Variants in HIRA observed in about 807,000 individuals in gnomAD.
The protein encoded by HIRA is protein HIRA.
A neutral mutation model predicts 126.6 loss-of-function variants in HIRA; 13 were observed. That is an observed-to-expected ratio of 0.10 (90% CI 0.07 to 0.16). The LOEUF is 0.16. Ranked by LOEUF, HIRA falls within the 10% of genes least tolerant of loss-of-function variation. HIRA has a pLI of 1.00. For missense variants in HIRA, 834 were observed against 1,314.4 expected (o/e 0.63, Z 5.65); for synonymous variants, 511 against 520.0 (o/e 0.98, Z 0.24).
At chr22:19,401,920 G>A (rs376781944) in intron 5 of HIRA, among the ~76,000 whole-genome samples, 2 of 152,172 alleles carry the variant, frequency 1.3e-5, no homozygotes, top group South Asian at 4.1e-4. Context: ...CTTGCTCAGA[G>A]AAGAGCCTCT....
intron 1 of HIRA, among the ~76,000 whole-genome samples, chr22:19,412,801 G>A (rs184904684): frequency 6.6e-6 from 1 of 152,272 alleles, no homozygotes; most frequent in Admixed American, 6.5e-5. Flanking sequence ...AGCATCAACT[G>A]CATGTTTTCT....
At chr22:19,387,911 T>C in intron 10 of HIRA, 95 bp from the exon 11 acceptor site, 2 of 532,902 alleles carry the variant, frequency 3.8e-6, no homozygotes, top group East Asian at 5.4e-5. Flanking sequence ...GGCAGTGTTC[T>C]AGGGAGATGC....
At chr22:19,394,067 C>T (rs922649219) in intron 8 of HIRA, among the ~76,000 whole-genome samples, 1 of 152,144 alleles carries the variant, frequency 6.6e-6, no homozygotes, top group Admixed American at 6.5e-5. Context: ...AGAATTGTAC[C>T]TGTATTCACT....
At chr22:19,332,961 C>T (rs992616753) in intron 24 of HIRA, among the ~76,000 whole-genome samples, 14 of 151,966 alleles carry the variant, frequency 9.2e-5, no homozygotes, top group Non-Finnish European at 1.5e-4. Context: ...CAGGCTGGAG[C>T]GTAGTGGTGC....
intron 1 of HIRA, among the ~76,000 whole-genome samples, chr22:19,430,907 T>C (rs371013866): frequency 4.6e-5 from 7 of 152,176 alleles, no homozygotes; most frequent in African/African-American, 1.7e-4. Flanking sequence ...GCATTAATCG[T>C]GGATCCTTCG....
chr22:19,356,213 C>A lies in HIRA; in HGVS notation c.2455+17G>T. ...TGGGCCCCCAAAAGAGTAGGGACAGCCTGTTGCCTGCATTACCTGCCAGGA... is the reference window on the plus strand; with the variant it reads ...TGGGCCCCCAAAAGAGTAGGGACAGACTGTTGCCTGCATTACCTGCCAGGA... On this transcript the variant is annotated intron_variant, in intron 20 of 24. Transcript: ENST00000263208. The A allele has an allele frequency of 6.2e-7, 1 of 1,611,342 alleles. No homozygotes were observed. Among genetic ancestry groups the A allele is most frequent in the South Asian group, 1.1e-5 (1 of 91,036 alleles).
At chr22:19,370,218 A>G (rs1228114152) in intron 15 of HIRA, among the ~76,000 whole-genome samples, 2 of 151,794 alleles carry the variant, frequency 1.3e-5, no homozygotes, top group African/African-American at 4.8e-5. Flanking sequence ...CTCCCAAATT[A>G]CAGGCATGAG....
At chr22:19,361,407 G>C (rs2088862591) in intron 16 of HIRA, 66 bp from the exon 17 acceptor site, 3 of 1,400,798 alleles carry the variant, frequency 2.1e-6, no homozygotes, top group South Asian at 1.2e-5. Flanking sequence ...GGTAAAGGCA[G>C]GTCACCCAGA....
intron 15 of HIRA, among the ~76,000 whole-genome samples, chr22:19,372,216 A>G (rs2088972813): frequency 6.6e-6 from 1 of 152,230 alleles, no homozygotes; most frequent in Non-Finnish European, 1.5e-5. Context: ...TGACAATTCT[A>G]TGATCACAGG....
intron 24 of HIRA, among the ~76,000 whole-genome samples, chr22:19,334,005 C>T (rs560373119): frequency 2.6e-5 from 4 of 151,516 alleles, no homozygotes; most frequent in South Asian, 2.1e-4. Context: ...GATGGAGCCT[C>T]GATCTGTCGC....
At chr22:19,352,993 G>C (rs868963487) in intron 23 of HIRA, among the ~76,000 whole-genome samples, 2 of 152,276 alleles carry the variant, frequency 1.3e-5, no homozygotes, top group Admixed American at 1.3e-4. Flanking sequence ...GGAGGAGGAA[G>C]AGAACCACTG....
intron 1 of HIRA, among the ~76,000 whole-genome samples, chr22:19,413,613 A>G (rs2089371610): frequency 6.6e-6 from 1 of 150,558 alleles, no homozygotes; most frequent in Non-Finnish European, 1.5e-5. Context: ...TTATTTATTT[A>G]TTTATTTATT....
intron 5 of HIRA, chr22:19,405,529 G>A (rs2089301072): frequency 2.0e-6 from 2 of 984,850 alleles, no homozygotes; most frequent in Admixed American, 6.1e-5. Flanking sequence ...AACGTGGGAA[G>A]TTCTACATTA....
chr22:19,392,323 C>T, intron 8 of HIRA, 109 bp from the exon 9 acceptor site: 1 of 609,944 alleles, frequency 1.6e-6, no homozygotes, highest in Non-Finnish European at 2.9e-6. Flanking sequence ...TTCTCTGAGC[C>T]CAGGCACTGA....
At chr22:19,338,080 C>T (rs1454467266) in intron 24 of HIRA, among the ~76,000 whole-genome samples, 1 of 152,282 alleles carries the variant, frequency 6.6e-6, no homozygotes, top group East Asian at 1.9e-4. Context: ...GAATGAGCCA[C>T]TGCGCCTGGC....
intron 2 of HIRA, among the ~76,000 whole-genome samples, chr22:19,409,445 A>G (rs1226784712): frequency 6.6e-6 from 1 of 151,878 alleles, no homozygotes; most frequent in Non-Finnish European, 1.5e-5. Flanking sequence ...CATGACACCT[A>G]GCTAATTTTT....
At chr22:19,334,227 G>A (rs562714843) in intron 24 of HIRA, among the ~76,000 whole-genome samples, 6 of 151,406 alleles carry the variant, frequency 4.0e-5, no homozygotes, top group African/African-American at 1.4e-4. Context: ...CGCCCGCCTT[G>A]GCCTCCCAAA....
chr22:19,356,560 A>T (rs1402048611), intron 19 of HIRA, among the ~76,000 whole-genome samples: 1 of 152,234 alleles, frequency 6.6e-6, no homozygotes, highest in East Asian at 1.9e-4. Context: ...CAGCAGCCAC[A>T]TCAGGAACAT....
At chr22:19,369,615 T>C (rs983832854) in intron 15 of HIRA, among the ~76,000 whole-genome samples, 1 of 152,000 alleles carries the variant, frequency 6.6e-6, no homozygotes, top group Non-Finnish European at 1.5e-5. Context: ...CCCTAACCAC[T>C]GCATGACACT....
Sources: gnomAD v4.1 joint callset for allele counts (sites outside exome capture counted in the v4.1 genomes callset) on GRCh38, gnomAD v4.1.1 for gene constraint, MANE v1.5 for transcripts, NCBI Gene and HGNC (gene_info 2026-07-23, HGNC 2026-07-21) for gene names.